Variants in MCM5 observed in about 807,000 individuals in gnomAD.
MCM5 encodes DNA replication licensing factor MCM5.
MCM5 carries 46 observed loss-of-function variants against 79.9 expected under a neutral mutation model. That is an observed-to-expected ratio of 0.58 (90% CI 0.45 to 0.74). The LOEUF is 0.74. MCM5 is among the 30% of genes least tolerant of loss of function. MCM5 has a pLI of 0.00. For synonymous variants in MCM5, 404 were observed against 390.5 expected (o/e 1.03, Z -0.41); for missense variants, 883 against 1,017.0 (o/e 0.87, Z 1.79).
At chr22:35,419,757 T>G in intron 13 of MCM5, 127 bp from the exon 14 acceptor site, 1 of 923,408 alleles carries the variant, frequency 1.1e-6, no homozygotes, top group Non-Finnish European at 1.6e-6. Context: ...CCCCAGCCCA[T>G]ATGAGTGGGC....
intron 12 of MCM5, among the ~76,000 whole-genome samples, chr22:35,417,194 C>CG (rs1350433200): frequency 2.6e-5 from 4 of 152,164 alleles, no homozygotes; most frequent in Non-Finnish European, 5.9e-5. Context: ...GTAAGTCCGG[C>CG]GGCTTAAGGC....
At chr22:35,441,130 C>T in the MCM5 span, among the ~76,000 whole-genome samples, 1 of 151,466 alleles carries the variant, frequency 6.6e-6, no homozygotes, top group African/African-American at 2.4e-5. Context: ...GTGGGCCCTG[C>T]GCAGGAATGT....
At chr22:35,453,823 G>T in the MCM5 span, among the ~76,000 whole-genome samples, 6,296 of 84,790 alleles carry the variant, frequency 0.074, 204 homozygotes, top group African/African-American at 0.15. Flanking sequence ...TATATATAGA[G>T]AGAGAGAGAG....
At chr22:35,450,854 C>T in the MCM5 span, among the ~76,000 whole-genome samples, 2 of 152,338 alleles carry the variant, frequency 1.3e-5, no homozygotes, top group South Asian at 2.1e-4. Context: ...TGTCCGCTCA[C>T]GCTTTTCCAT....
the MCM5 span, among the ~76,000 whole-genome samples, chr22:35,435,972 GC>G: frequency 6.6e-6 from 1 of 152,020 alleles, no homozygotes; most frequent in Admixed American, 6.6e-5. Context: ...TTCAAGACCA[GC>G]CTGATCAACA....
chr22:35,445,350 A>C, the MCM5 span, among the ~76,000 whole-genome samples: 1 of 15,426 alleles, frequency 6.5e-5, no homozygotes. Flanking sequence ...TTTTTTTGAG[A>C]CGGAGTCTCA....
At chr22:35,406,391 G>A (rs1018090761) in intron 4 of MCM5, among the ~76,000 whole-genome samples, 162 bp from the exon 5 acceptor site, 2 of 151,776 alleles carry the variant, frequency 1.3e-5, no homozygotes, top group Non-Finnish European at 1.5e-5. Context: ...GGCACTGGGT[G>A]GATGCTCTGG....
downstream of MCM5, among the ~76,000 whole-genome samples, chr22:35,426,614 G>A (rs969220363): frequency 6.6e-5 from 10 of 152,154 alleles, no homozygotes. Context: ...CCTTTCATCT[G>A]TAGAAAGGGC....
the MCM5 span, among the ~76,000 whole-genome samples, chr22:35,453,819 T>TATATATATATATATAGAGAGAGAGAG: frequency 7.4e-5 from 6 of 81,538 alleles, no homozygotes; most frequent in East Asian, 1.4e-3. Context: ...TATATATATA[T>TATATATATATATATAGAGAGAGAGAG]AGAGAGAGAG....
At chr22:35,404,664 T>C (rs1932158669) in intron 4 of MCM5, among the ~76,000 whole-genome samples, 1 of 152,238 alleles carries the variant, frequency 6.6e-6, no homozygotes. Flanking sequence ...ATTGTAATGA[T>C]GCAGGCATGG....
intron 9 of MCM5, among the ~76,000 whole-genome samples, chr22:35,415,273 A>G (rs955587344): frequency 1.3e-5 from 2 of 152,178 alleles, no homozygotes; most frequent in Non-Finnish European, 2.9e-5. Context: ...CTAAAATCTC[A>G]TTTCAACATG....
chr22:35,454,323 G>C, the MCM5 span, among the ~76,000 whole-genome samples: 1 of 152,126 alleles, frequency 6.6e-6, no homozygotes, highest in African/African-American at 2.4e-5. Context: ...GCGTCCTGGG[G>C]AAATTTGTTG....
At chr22:35,409,201 G>A (rs1037125898) in intron 6 of MCM5, among the ~76,000 whole-genome samples, 1 of 152,206 alleles carries the variant, frequency 6.6e-6, no homozygotes, top group Non-Finnish European at 1.5e-5. Context: ...CTGACCTCAT[G>A]ATCCGCCCGC....
intron 8 of MCM5, among the ~76,000 whole-genome samples, chr22:35,413,084 C>T (rs538468448): frequency 6.6e-6 from 1 of 152,134 alleles, no homozygotes; most frequent in African/African-American, 2.4e-5. Flanking sequence ...ACTCTGTTGC[C>T]CAGGCTGGAG....
the MCM5 span, among the ~76,000 whole-genome samples, chr22:35,438,328 T>TATCCATCCATCC: frequency 9.6e-4 from 129 of 135,002 alleles, no homozygotes; most frequent in South Asian, 3.0e-3. Context: ...TCCGTCCATC[T>TATCCATCCATCC]ATCCATCCAT....
rs1443080497 is a variant in MCM5 at position 35,406,491 on chromosome 22, G to A, written c.424-62G>A. On this transcript the variant is annotated intron_variant, in intron 4 of 16. Transcript: ENST00000216122. ...AGGCTCCTGCCCAGGATATTTACTG[G>A]CATATCTCAGATGCGTCCTGGCTCC... The A allele has an allele frequency of 2.0e-6, 3 of 1,483,282 alleles. No individual in the cohort carries two copies. In the African/African-American group the frequency reaches 4.1e-5, roughly 20 times the overall value. The allele number at this position is 1,483,282 out of a possible 1,614,324, so 91.9% of individuals were successfully genotyped here. A position where few individuals can be genotyped will look rare whatever the true frequency, so the allele number is the denominator to read the frequency against.
intron 12 of MCM5, 58 bp downstream of exon 12, chr22:35,416,872 T>C: frequency 6.3e-7 from 1 of 1,581,920 alleles, no homozygotes; most frequent in Non-Finnish European, 8.6e-7. Context: ...GGCTTGTGAT[T>C]GTGTGGGAAG....
chr22:35,450,386 A>AC, the MCM5 span, among the ~76,000 whole-genome samples: 2 of 151,486 alleles, frequency 1.3e-5, no homozygotes, highest in African/African-American at 4.9e-5. Flanking sequence ...TCGCAGGAAG[A>AC]CCCCCTCCAG....
intron 8 of MCM5, 42 bp from the exon 9 acceptor site, chr22:35,413,833 C>T (rs762637644): frequency 8.6e-7 from 1 of 1,164,310 alleles, no homozygotes; most frequent in East Asian, 2.3e-5. Context: ...ATGCGATGCC[C>T]TCATGGATTC....
Sources: allele counts gnomAD v4.1 joint callset (sites outside exome capture counted in the v4.1 genomes callset), GRCh38; gene constraint gnomAD v4.1.1; transcripts MANE v1.5; gene names NCBI Gene and HGNC (gene_info 2026-07-23, HGNC 2026-07-21).